IQGAP2: variants seen among roughly 807,000 people sequenced by gnomAD.
IQGAP2 encodes IQ motif containing GTPase activating protein 2.
In IQGAP2, 173 loss-of-function variants were observed where a neutral mutation model predicts 201.3. The ratio of observed to expected loss-of-function variants is 0.86; its 90% CI spans 0.76 to 0.98. The LOEUF (loss-of-function observed/expected upper bound fraction) is 0.98, where lower values mean the gene tolerates loss of function less well. Among genes scored for constraint, IQGAP2 ranks in the 50% least tolerant of loss-of-function variants. The pLI, the probability that IQGAP2 is intolerant of heterozygous loss-of-function variation, is 0.00. For missense variants in IQGAP2, 1,687 were observed against 1,864.8 expected, an observed-to-expected ratio of 0.90 and a Z score of 1.76; for synonymous variants, 675 against 673.9, an observed-to-expected ratio of 1.00 and a Z score of -0.03.
intron 2 of IQGAP2, among the ~76,000 whole-genome samples, chr5:76,505,439 T>G (rs1757559602): frequency 1.3e-5 from 2 of 152,232 alleles, no homozygotes; most frequent in South Asian, 2.1e-4. Flanking sequence ...TTGATTTTAC[T>G]GATAAAAATC....
chr5:76,656,896 T>TA (rs3839253), intron 20 of IQGAP2, among the ~76,000 whole-genome samples: 12 of 150,936 alleles, frequency 8.0e-5, no homozygotes, highest in South Asian at 2.1e-4. Context: ...TTTTCTAATT[T>TA]AAAAAAAAAA....
rs1752481540 is a variant in IQGAP2 at position 76,433,396 on chromosome 5, GCTCCCATAGGGTGGCC to G, written c.47-28170_47-28155del. On this transcript the variant is annotated intron_variant, in intron 1 of 35. Transcript: ENST00000274364. ...CTATGTTCCTCTGCTGAAAGCCACAGCTCCCATAGGGTGGCCCTCTCTTACAGCTGTTGTTGCAGCT... is the reference window on the plus strand; with the variant it reads ...CTATGTTCCTCTGCTGAAAGCCACAGCTCTCTTACAGCTGTTGTTGCAGCT... Among the ~76,000 whole-genome samples the G allele has an allele frequency of 3.9e-5, 6 of 152,278 alleles. No homozygotes were observed. In the South Asian group the frequency reaches 1.0e-3, roughly 26 times the overall value.
In IQGAP2 at chr5:76,623,185, G is replaced by A. The variant is rs568472748; in HGVS notation, c.1522-4225G>A. 3 of 1,614,056 alleles carry A rather than the reference G, an allele frequency of 1.9e-6. No homozygotes were observed. Among genetic ancestry groups the A allele is most frequent in the South Asian group, 1.1e-5 (1 of 91,084 alleles). ...TGCTTACCACTCTGACAAAAAGTGG[G>A]CAACAGAAGCAGGAGGCCAGCAGCT... On this transcript the variant is annotated intron_variant, in intron 13 of 35. Transcript: ENST00000274364.
intron 1 of IQGAP2, among the ~76,000 whole-genome samples, chr5:76,456,255 C>G (rs1754077379): frequency 6.6e-6 from 1 of 152,174 alleles, no homozygotes; most frequent in African/African-American, 2.4e-5. Flanking sequence ...ATGGGGGTGG[C>G]AGTCTCTTTC....
chr5:76,597,545 C>T lies in IQGAP2; in HGVS notation c.1014C>T (p.Pro338=). The change falls in exon 10 of 36, where the codon CCC becomes CCT. Residue 338 remains proline, a synonymous_variant. Coordinates refer to ENST00000274364, the MANE Select transcript of IQGAP2 (RefSeq NM_006633.5). ...KPEAQLPAVY[P]FAAAMYQNEL... ...AGGCCCAGCTGCCTGCTGTTTATCC[C>T]TTTGCTGCTGCCATGTATCAGAACG... is the stretch of plus-strand genomic sequence containing the variant. 2 of 1,614,000 alleles carry T rather than the reference C, an allele frequency of 1.2e-6. No individual in the cohort carries two copies. Among genetic ancestry groups the T allele is most frequent in the Non-Finnish European group, 1.7e-6 (2 of 1,179,976 alleles).
chr5:76,655,508 C>T (rs1168031355), intron 20 of IQGAP2, among the ~76,000 whole-genome samples: 6 of 152,096 alleles, frequency 3.9e-5, no homozygotes, highest in African/African-American at 1.2e-4. Context: ...AATGCAGTGG[C>T]GCAATCTTGG....
chr5:76,679,685 A>G (rs1374336756), intron 28 of IQGAP2, among the ~76,000 whole-genome samples: 1 of 152,212 alleles, frequency 6.6e-6, no homozygotes, highest in African/African-American at 2.4e-5. Flanking sequence ...AGAAGAACAT[A>G]AATTTATCCA....
rs201626868 is a variant in IQGAP2, at chr5:76,651,940, T to TA, written c.2095-803dup. ...ATATACAGACATGAAAAGAAGTTTA[T>TA]AAAAAAATTTGATTTTTTATATTTG... On this transcript the variant is annotated intron_variant, in intron 17 of 35. Transcript: ENST00000274364. 9.2e-3 allele frequency among the ~76,000 whole-genome samples: 1,400 copies of TA among 152,228 alleles called. 21 individuals are homozygous for TA. The highest frequency in any genetic ancestry group is 0.032 in the African/African-American group (1,311 of 41,550).
intron 1 of IQGAP2, among the ~76,000 whole-genome samples, chr5:76,404,241 CG>C (rs1750675409): frequency 6.6e-6 from 1 of 152,150 alleles, no homozygotes; most frequent in African/African-American, 2.4e-5. Flanking sequence ...CACTAGGCTC[CG>C]GGGAATCCGG....
At chr5:76,441,611 C>T (rs1023035466) in intron 1 of IQGAP2, 18 of 674,538 alleles carry the variant, frequency 2.7e-5, no homozygotes, top group Non-Finnish European at 3.3e-5. Context: ...ATTTTCACTT[C>T]TGGTTCTGTT....
intron 9 of IQGAP2, among the ~76,000 whole-genome samples, chr5:76,593,370 C>T (rs1334598184): frequency 1.3e-5 from 2 of 152,114 alleles, no homozygotes; most frequent in Non-Finnish European, 2.9e-5. Context: ...ATTTTTCTTA[C>T]ACTTGTGTAA....
At chr5:76,628,332 G>A (rs768642886) in intron 14 of IQGAP2, among the ~76,000 whole-genome samples, 1 of 152,186 alleles carries the variant, frequency 6.6e-6, no homozygotes, top group Non-Finnish European at 1.5e-5. Flanking sequence ...GTCAGGTGAT[G>A]AATAGAATAT....
chr5:76,513,945 G>A lies in IQGAP2; in HGVS notation c.147-48451G>A, dbSNP rs186812132. Among the ~76,000 whole-genome samples, 15 of 151,410 alleles carry A rather than the reference G, an allele frequency of 9.9e-5. No homozygotes were observed. The East Asian group carries it at 2.7e-3, about 27-fold the overall frequency. ...AATGGGCATAGGTGAGGGGCTATACGGAAATCCTGTACTTTTCTTTTAATT... is the reference window on the plus strand; with the variant it reads ...AATGGGCATAGGTGAGGGGCTATACAGAAATCCTGTACTTTTCTTTTAATT... On this transcript the variant is annotated intron_variant, in intron 2 of 35. Transcript: ENST00000274364.
At chr5:76,553,221 G>T (rs1489819689) in intron 2 of IQGAP2, among the ~76,000 whole-genome samples, 1 of 152,184 alleles carries the variant, frequency 6.6e-6, no homozygotes, top group African/African-American at 2.4e-5. Flanking sequence ...GACACAGAAG[G>T]TGGAAAATGA....
At chr5:76,651,690 CT>C (rs1752527027) in intron 17 of IQGAP2, among the ~76,000 whole-genome samples, 1 of 151,872 alleles carries the variant, frequency 6.6e-6, no homozygotes, top group African/African-American at 2.4e-5. Context: ...ATTGTATAAT[CT>C]TTTGTCCTTC....
intron 22 of IQGAP2, among the ~76,000 whole-genome samples, chr5:76,667,792 T>C (rs1743912849): frequency 1.3e-5 from 2 of 152,114 alleles, no homozygotes. Flanking sequence ...TCTTTTTCTT[T>C]CCAGTCTGAC....
At chr5:76,482,227 A>G (rs756144138) in intron 2 of IQGAP2, among the ~76,000 whole-genome samples, 1 of 152,204 alleles carries the variant, frequency 6.6e-6, no homozygotes, top group Non-Finnish European at 1.5e-5. Flanking sequence ...AAGAGCTTGT[A>G]GAGAAGAAAT....
intron 30 of IQGAP2, among the ~76,000 whole-genome samples, chr5:76,686,442 CCCTT>C: frequency 6.6e-6 from 1 of 151,794 alleles, no homozygotes; most frequent in African/African-American, 2.4e-5. Flanking sequence ...GGTCTATTAA[CCCTT>C]TTTGAGTTCA....
intron 18 of IQGAP2, 21 bp from the exon 19 acceptor site, chr5:76,654,179 C>A: frequency 6.4e-7 from 1 of 1,560,114 alleles, no homozygotes; most frequent in Non-Finnish European, 8.8e-7. Context: ...TTGTACTTTT[C>A]TATTTTTTAA....
Sources: allele counts gnomAD v4.1 joint callset (sites outside exome capture counted in the v4.1 genomes callset), GRCh38; gene constraint gnomAD v4.1.1; transcripts MANE v1.5; gene names NCBI Gene and HGNC (gene_info 2026-07-23, HGNC 2026-07-21).